The following GLIS3 variants were observed in gnomAD, a reference collection of about 807,000 sequenced individuals.
GLIS3 encodes the protein GLIS family zinc finger 3, also known as zinc finger protein GLIS3.
Under a neutral mutation model 78.6 loss-of-function variants are expected in GLIS3, and 53 were observed. That is an observed-to-expected ratio of 0.67 (90% CI 0.54 to 0.85). The LOEUF (loss-of-function observed/expected upper bound fraction) is 0.85, where lower values mean the gene tolerates loss of function less well. Ranked by LOEUF, GLIS3 falls within the 40% of genes least tolerant of loss-of-function variation. GLIS3 has a pLI of 0.00. For synonymous variants in GLIS3, 684 were observed against 509.9 expected, an observed-to-expected ratio of 1.34 and a Z score of -4.60; for missense variants, 1,703 against 1,231.1, an observed-to-expected ratio of 1.38 and a Z score of -5.74.
intron 4 of GLIS3, among the ~76,000 whole-genome samples, chr9:4,014,098 C>G (rs141940095): frequency 6.6e-6 from 1 of 152,190 alleles, no homozygotes; most frequent in Non-Finnish European, 1.5e-5. Context: ...CCCGCATGAA[C>G]TCAACATTTT....
At chr9:3,983,410 GA>G in intron 4 of GLIS3, among the ~76,000 whole-genome samples, 1 of 152,318 alleles carries the variant, frequency 6.6e-6, no homozygotes, top group African/African-American at 2.4e-5. Context: ...GGTACCAGCA[GA>G]GGGGGGCACT....
intron 4 of GLIS3, among the ~76,000 whole-genome samples, chr9:3,978,914 A>G (rs995687681): frequency 6.6e-6 from 1 of 152,198 alleles, no homozygotes; most frequent in Admixed American, 6.5e-5. Context: ...CAAATAAAAA[A>G]TACAGTATAA....
At chr9:4,254,545 A>G (rs528593623) in intron 2 of GLIS3, among the ~76,000 whole-genome samples, 206 of 152,330 alleles carry the variant, frequency 1.4e-3, no homozygotes, top group African/African-American at 4.7e-3. Context: ...TTGGGAACAA[A>G]AAGATAAGAA....
chr9:4,389,062 G>A, the GLIS3 span, among the ~76,000 whole-genome samples: 91 of 152,294 alleles, frequency 6.0e-4, no homozygotes, highest in South Asian at 1.2e-3. Context: ...CACAGCCTCC[G>A]TAAGCCTGAA....
At chr9:4,095,541 G>C (rs1829869977) in intron 4 of GLIS3, among the ~76,000 whole-genome samples, 1 of 152,172 alleles carries the variant, frequency 6.6e-6, no homozygotes, top group African/African-American at 2.4e-5. Flanking sequence ...TGAATGATGG[G>C]TCAAGCTATA....
At chr9:4,439,545 A>G in the GLIS3 span, among the ~76,000 whole-genome samples, 1 of 152,100 alleles carries the variant, frequency 6.6e-6, no homozygotes, top group Non-Finnish European at 1.5e-5. Context: ...TTGATTATAT[A>G]TCCTTTGACC....
intron 4 of GLIS3, among the ~76,000 whole-genome samples, chr9:3,991,975 C>T (rs953773220): frequency 2.0e-5 from 3 of 152,114 alleles, no homozygotes; most frequent in Non-Finnish European, 4.4e-5. Flanking sequence ...CAGGCATGAG[C>T]CACCCTGCCC....
intron 4 of GLIS3, among the ~76,000 whole-genome samples, chr9:3,960,675 C>G (rs1395834005): frequency 6.6e-6 from 1 of 152,120 alleles, no homozygotes; most frequent in Non-Finnish European, 1.5e-5. Flanking sequence ...CTCATATGAA[C>G]CTACACTTAG....
At chr9:4,202,675 A>T (rs1819513891) in intron 2 of GLIS3, among the ~76,000 whole-genome samples, 1 of 152,156 alleles carries the variant, frequency 6.6e-6, no homozygotes, top group South Asian at 2.1e-4. Context: ...CAAACCTGTA[A>T]CCATCAGATC....
chr9:4,484,511 C>T, the GLIS3 span, among the ~76,000 whole-genome samples: 5 of 143,024 alleles, frequency 3.5e-5, no homozygotes, highest in East Asian at 2.1e-4. Context: ...CTCTGCCTCT[C>T]GAGTTCAAGC....
intron 4 of GLIS3, among the ~76,000 whole-genome samples, chr9:4,060,934 G>A (rs1156967363): frequency 1.3e-5 from 2 of 152,122 alleles, no homozygotes; most frequent in African/African-American, 4.8e-5. Context: ...CTTTGCCCAT[G>A]GATTTTCTAG....
intron 2 of GLIS3, among the ~76,000 whole-genome samples, chr9:4,173,075 G>A (rs1402171878): frequency 1.3e-5 from 2 of 152,110 alleles, no homozygotes; most frequent in South Asian, 2.1e-4. Flanking sequence ...TTCCACCCGT[G>A]GAGTTGGAAC....
chr9:3,850,708 C>G (rs1013933791), intron 9 of GLIS3, among the ~76,000 whole-genome samples: 2 of 152,180 alleles, frequency 1.3e-5, no homozygotes, highest in African/African-American at 4.8e-5. Context: ...CCTTCGTGAG[C>G]TGGCCTTGTG....
chr9:3,842,362 C>T (rs912362731), intron 9 of GLIS3, among the ~76,000 whole-genome samples: 1 of 152,176 alleles, frequency 6.6e-6, no homozygotes, highest in East Asian at 1.9e-4. Flanking sequence ...ATCCCAGCTA[C>T]TCGGCAGGCT....
intron 4 of GLIS3, among the ~76,000 whole-genome samples, chr9:4,070,169 G>C (rs1261070727): frequency 6.6e-6 from 1 of 152,092 alleles, no homozygotes; most frequent in Admixed American, 6.6e-5. Flanking sequence ...TTTTGTGGTT[G>C]AGTCAGCTTT....
intron 3 of GLIS3, among the ~76,000 whole-genome samples, chr9:4,123,284 G>A (rs4741893): frequency 6.6e-6 from 1 of 151,820 alleles, no homozygotes; most frequent in African/African-American, 2.4e-5. Flanking sequence ...GTAATGAATG[G>A]TGTATTAGAA....
intron 2 of GLIS3, among the ~76,000 whole-genome samples, chr9:4,168,453 G>C (rs1162626145): frequency 6.6e-6 from 1 of 152,194 alleles, no homozygotes; most frequent in Non-Finnish European, 1.5e-5. Context: ...GCAAAGAAAT[G>C]TTCCCACAAC....
At chr9:4,016,964 G>A (rs1402945369) in intron 4 of GLIS3, among the ~76,000 whole-genome samples, 1 of 152,136 alleles carries the variant, frequency 6.6e-6, no homozygotes, top group African/African-American at 2.4e-5. Context: ...TCCACAAGCC[G>A]AACAATCACA....
chr9:3,955,604 G>A (rs1588308265), intron 4 of GLIS3, among the ~76,000 whole-genome samples: 1 of 152,244 alleles, frequency 6.6e-6, no homozygotes, highest in Non-Finnish European at 1.5e-5. Context: ...TAAAGAACAG[G>A]AAATAGCCAA....
Sources: allele counts gnomAD v4.1 joint callset (sites outside exome capture counted in the v4.1 genomes callset), GRCh38; gene constraint gnomAD v4.1.1; transcripts MANE v1.5; gene names NCBI Gene and HGNC (gene_info 2026-07-23, HGNC 2026-07-21).